Variants in ANKDD1A observed in about 807,000 individuals in gnomAD.
The protein encoded by ANKDD1A is ankyrin repeat and death domain-containing protein 1A.
A neutral mutation model predicts 63.5 loss-of-function variants in ANKDD1A; 59 were observed. The observed-to-expected ratio is 0.93, with a 90% CI of 0.75 to 1.15. The LOEUF is 1.15. Among genes scored for constraint, ANKDD1A ranks in the 50% most tolerant of loss-of-function variants. ANKDD1A has a pLI of 0.00. For missense variants in ANKDD1A, 632 were observed against 656.4 expected (o/e 0.96, Z 0.41); for synonymous variants, 266 against 263.9 (o/e 1.01, Z -0.08).
chr15:64,950,301 C>T, intron 14 of ANKDD1A: 3 of 985,404 alleles, frequency 3.0e-6, no homozygotes, highest in Non-Finnish European at 3.6e-6. Flanking sequence ...AAGCCTGGAA[C>T]CACCTCCAGA....
At chr15:64,955,386 G>T (rs1247454758) in intron 14 of ANKDD1A, among the ~76,000 whole-genome samples, 1 of 152,182 alleles carries the variant, frequency 6.6e-6, no homozygotes, top group Non-Finnish European at 1.5e-5. Flanking sequence ...ATGTTGGCTA[G>T]AGGGACTGAG....
intron 8 of ANKDD1A, among the ~76,000 whole-genome samples, chr15:64,933,469 C>T (rs2085105192): frequency 6.6e-6 from 1 of 152,158 alleles, no homozygotes; most frequent in African/African-American, 2.4e-5. Flanking sequence ...TTTGGAGGCA[C>T]CAAGACCAGC....
chr15:64,936,204 C>T (rs1225307555), intron 9 of ANKDD1A, among the ~76,000 whole-genome samples: 2 of 152,030 alleles, frequency 1.3e-5, no homozygotes, highest in Non-Finnish European at 2.9e-5. Context: ...AGAAAGGCAT[C>T]CTTGATTCCA....
At chr15:64,942,097 T>C (rs1353186431) in intron 9 of ANKDD1A, among the ~76,000 whole-genome samples, 2 of 152,116 alleles carry the variant, frequency 1.3e-5, no homozygotes, top group African/African-American at 4.8e-5. Context: ...TAGGTTGATG[T>C]GTGGATTAAA....
At chr15:64,930,310 A>T (rs1444390296) in intron 6 of ANKDD1A, among the ~76,000 whole-genome samples, 1 of 151,990 alleles carries the variant, frequency 6.6e-6, no homozygotes, top group Non-Finnish European at 1.5e-5. Context: ...AGCCAGTGAC[A>T]GAGTGTGTTA....
chr15:64,917,168 G>C (rs1415991875), intron 2 of ANKDD1A, among the ~76,000 whole-genome samples: 4 of 152,212 alleles, frequency 2.6e-5, no homozygotes, highest in South Asian at 2.1e-4. Context: ...GTTTTAGATG[G>C]GGACAGATGG....
chr15:64,917,842 GTCTCTCATGATATGCCACAGGGCTCT>G (rs1337102357), intron 3 of ANKDD1A, among the ~76,000 whole-genome samples: 1 of 152,242 alleles, frequency 6.6e-6, no homozygotes, highest in African/African-American at 2.4e-5. Context: ...CAGGAGGAAA[GTCTCTCATGATATGCCACAGGGCTCT>G]GCCCTGGCTA....
chr15:64,922,332 C>T lies in ANKDD1A; in HGVS notation c.366+313C>T. On this transcript the variant is annotated intron_variant, in intron 4 of 14. Transcript: ENST00000319580. ...CCTGCCAGGCTCTGCACCCCTTGTG[C>T]TCAGTGCGGTGGGGTGAAAGGAGCA... 4 of 344,732 alleles carry T rather than the reference C, an allele frequency of 1.2e-5. No homozygotes were observed. The South Asian group carries it at 1.3e-4, about 12-fold the overall frequency. 21.4% of individuals were successfully genotyped at this position (344,732 alleles called of 1,614,324 possible).
At chr15:64,947,940 G>T (rs922017119) in intron 13 of ANKDD1A, among the ~76,000 whole-genome samples, 2 of 152,190 alleles carry the variant, frequency 1.3e-5, no homozygotes, top group Admixed American at 6.5e-5. Context: ...GTACTAAGGT[G>T]TGAAAAGGAA....
At position 64,931,594 on chromosome 15, in the gene ANKDD1A, G is replaced by A; in HGVS notation, c.768+9G>A. The A allele has an allele frequency of 6.2e-7, 1 of 1,613,526 alleles. No homozygotes were observed. The highest frequency in any genetic ancestry group is 8.5e-7 in the Non-Finnish European group (1 of 1,179,986). ...TGAATGCCCTCACCCAGGTAGCCAGGCCCTCCCAAGACTGCGGTCGGCTCT... is the reference window on the plus strand; with the variant it reads ...TGAATGCCCTCACCCAGGTAGCCAGACCCTCCCAAGACTGCGGTCGGCTCT... On this transcript the variant is annotated intron_variant, in intron 8 of 14. Coordinates refer to ENST00000319580, the MANE Select transcript of ANKDD1A (RefSeq NM_182703.6).
intron 14 of ANKDD1A, among the ~76,000 whole-genome samples, chr15:64,954,308 T>TCTCCTTC (rs1264607178): frequency 3.6e-5 from 1 of 28,108 alleles, no homozygotes. Flanking sequence ...TTCTTCTCCT[T>TCTCCTTC]CTCTTCCTTC....
At chr15:64,919,714 C>G (rs2084994705) in intron 3 of ANKDD1A, 1 of 152,192 alleles carries the variant, frequency 6.6e-6, no homozygotes, top group African/African-American at 2.4e-5. Context: ...TCACAGAAGG[C>G]TTGTGGTGTG....
chr15:64,931,012 C>A, intron 7 of ANKDD1A, 92 bp downstream of exon 7: 1 of 1,355,554 alleles, frequency 7.4e-7, no homozygotes, highest in Non-Finnish European at 1.0e-6. Context: ...AAGTCTAAAG[C>A]CAGAAGGCTG....
chr15:64,930,581 C>T (rs1047798821), intron 6 of ANKDD1A, among the ~76,000 whole-genome samples: 1 of 152,204 alleles, frequency 6.6e-6, no homozygotes, highest in Non-Finnish European at 1.5e-5. Flanking sequence ...GGACCGGCTT[C>T]AGATGGGCAC....
chr15:64,951,722 C>CTTTCTTTTAT (rs2085284535), intron 14 of ANKDD1A, among the ~76,000 whole-genome samples: 1 of 3,430 alleles, frequency 2.9e-4, no homozygotes, highest in Admixed American at 5.3e-3. Context: ...TTTTTCTTCC[C>CTTTCTTTTAT]TTTTCTTCTT....
chr15:64,930,041 C>A (rs2085076581), intron 6 of ANKDD1A, among the ~76,000 whole-genome samples: 1 of 152,012 alleles, frequency 6.6e-6, no homozygotes, highest in African/African-American at 2.4e-5. Flanking sequence ...GGGAGCTGAA[C>A]AATGAGAACC....
chr15:64,929,129 G>C (rs1200076665), intron 6 of ANKDD1A, among the ~76,000 whole-genome samples: 1 of 152,228 alleles, frequency 6.6e-6, no homozygotes, highest in Non-Finnish European at 1.5e-5. Context: ...AAACAAAGCT[G>C]TTGAGGGCTT....
intron 6 of ANKDD1A, among the ~76,000 whole-genome samples, chr15:64,928,833 C>T (rs959979415): frequency 1.3e-5 from 2 of 152,366 alleles, no homozygotes; most frequent in Admixed American, 1.3e-4. Flanking sequence ...GAGCCCCCTG[C>T]CCTGCCCAGG....
chr15:64,954,857 TTTC>T (rs1385461342), intron 14 of ANKDD1A, among the ~76,000 whole-genome samples: 2 of 14,674 alleles, frequency 1.4e-4, no homozygotes, highest in Non-Finnish European at 5.6e-4. Flanking sequence ...CTTCTTCTTC[TTTC>T]TTCTCCTTTT....
Sources: allele counts gnomAD v4.1 joint callset (sites outside exome capture counted in the v4.1 genomes callset), GRCh38; gene constraint gnomAD v4.1.1; transcripts MANE v1.5; gene names NCBI Gene and HGNC (gene_info 2026-07-23, HGNC 2026-07-21).